Variants in RAB36 observed in about 807,000 individuals in gnomAD.
RAB36 encodes the protein RAB36, member RAS oncogene family, also known as ras-related protein Rab-36.
RAB36 carries 33 observed loss-of-function variants against 39.3 expected under a neutral mutation model. The ratio of observed to expected loss-of-function variants is 0.84; its 90% CI spans 0.64 to 1.12. The LOEUF (loss-of-function observed/expected upper bound fraction) is 1.12. Among genes scored for constraint, RAB36 ranks in the 50% most tolerant of loss-of-function variants. The probability of loss-of-function intolerance (pLI) is 0.00; values close to 1 mark genes in which losing one functional copy is unlikely to be tolerated. For synonymous variants in RAB36, 133 were observed against 140.2 expected (o/e 0.95, Z 0.36); for missense variants, 308 against 355.3 (o/e 0.87, Z 1.07).
intron 5 of RAB36, among the ~76,000 whole-genome samples, chr22:23,153,881 G>C (rs545370299): frequency 7.8e-4 from 119 of 151,844 alleles, no homozygotes; most frequent in Non-Finnish European, 1.6e-3. Flanking sequence ...TAGAGATGGG[G>C]TTTTACTATG....
chr22:23,160,642 G>A (rs2071726451), intron 9 of RAB36, among the ~76,000 whole-genome samples: 1 of 152,228 alleles, frequency 6.6e-6, no homozygotes, highest in Non-Finnish European at 1.5e-5. Flanking sequence ...GCAGTGGGGT[G>A]GGAGTTGGGA....
chr22:23,146,446 A>C (rs2070777917), intron 1 of RAB36, among the ~76,000 whole-genome samples, 159 bp from the exon 2 acceptor site: 1 of 151,752 alleles, frequency 6.6e-6, no homozygotes. Context: ...TCCTGGGCCC[A>C]AGTGATCCTC....
Position 23,152,563 on chromosome 22 carries a change from C to G in RAB36, c.227+37C>G, listed in dbSNP as rs774165383. On this transcript the variant is annotated intron_variant, in intron 4 of 10. Transcript: ENST00000263116. ...CCTCTGCCCCTTTGGCCACCTCCCC[C>G]AGCACCAGGTTGTCATACCTTTGCC... 3.1e-6 allele frequency: 5 copies of G among 1,595,150 alleles called. No individual in the cohort carries two copies. The East Asian group carries it at 1.1e-4, about 36-fold the overall frequency.
Position 23,152,477 on chromosome 22 carries a change from G to A in RAB36, c.178G>A (p.Val60Met). The change falls in exon 4 of 11, where the codon GTG (valine) becomes ATG (methionine). Residue 60 changes from valine to methionine, a missense_variant. Coordinates refer to ENST00000263116, the MANE Select transcript of RAB36 (RefSeq NM_004914.5). ...TTCTCACAGGCTCAAACTCTCCAAGGTGGTGGTGGTTGGCGATCTCTACGT... is the reference window on the plus strand; with the variant it reads ...TTCTCACAGGCTCAAACTCTCCAAGATGGTGGTGGTTGGCGATCTCTACGT... Reference protein sequence around the residue: ...TGTVGLKLSKVVVVGDLYVGK... With the variant: ...TGTVGLKLSKMVVVGDLYVGK... 1 of 1,614,164 alleles carries A rather than the reference G, an allele frequency of 6.2e-7. No individual in the cohort carries two copies. Among genetic ancestry groups the A allele is most frequent in the Non-Finnish European group, 8.5e-7 (1 of 1,180,008 alleles).
intron 8 of RAB36, 52 bp downstream of exon 8, chr22:23,159,031 C>G: frequency 6.3e-7 from 1 of 1,594,384 alleles, no homozygotes; most frequent in Non-Finnish European, 8.6e-7. Context: ...AATGCCTCCC[C>G]TTACAGCCCT....
Position 23,165,601 on chromosome 22 carries a change from T to G in RAB36, c.*4037T>G, listed in dbSNP as rs746351961. Among the ~76,000 whole-genome samples, 2 of 152,214 alleles carry G rather than the reference T, an allele frequency of 1.3e-5. No homozygotes were observed. Among genetic ancestry groups the G allele is most frequent in the Admixed American group, 1.3e-4 (2 of 15,280 alleles). ...GAAAAATGTTTGTGCTATTTAGTAC[T>G]ATGTAACAAATCACTCCAAAACTTC... On this transcript the variant is annotated 3_prime_UTR_variant, in exon 11 of 11. Coordinates refer to ENST00000263116, the MANE Select transcript of RAB36 (RefSeq NM_004914.5).
At chr22:23,154,045 C>G (rs575580848) in intron 5 of RAB36, among the ~76,000 whole-genome samples, 8 of 152,214 alleles carry the variant, frequency 5.3e-5, no homozygotes, top group Non-Finnish European at 1.0e-4. Flanking sequence ...ATGGCCTCCA[C>G]TGGCCTTACC....
At position 23,162,489 on chromosome 22, in the gene RAB36, A is replaced by G. The variant is rs1044854065; in HGVS notation, c.*925A>G. 6 of 388,118 alleles carry G rather than the reference A, an allele frequency of 1.5e-5. No individual in the cohort carries two copies. Among genetic ancestry groups the G allele is most frequent in the African/African-American group, 4.1e-5 (2 of 48,386 alleles). 24.0% of individuals were successfully genotyped at this position (388,118 alleles called of 1,614,324 possible). On this transcript the variant is annotated 3_prime_UTR_variant, in exon 11 of 11. Transcript: ENST00000263116. ...CTATACATCTCTTAGGACCTTTGTA[A>G]TGGTGTCCATGCACCTTTAGAGGAC...
intron 2 of RAB36, among the ~76,000 whole-genome samples, chr22:23,148,872 G>T (rs1303775708): frequency 2.0e-5 from 3 of 152,250 alleles, no homozygotes; most frequent in Non-Finnish European, 4.4e-5. Flanking sequence ...CATGGTAGCT[G>T]CTGCTCTTCT....
At position 23,158,057 on chromosome 22, in the gene RAB36, C is replaced by T. The variant is rs1389492653; in HGVS notation, c.446+14C>T. ...GGAGCATACCAGGTAAGTCTGGGCT[C>T]TCTGGCCCCTGCAGTCTCCCTGGGC... On this transcript the variant is annotated intron_variant, in intron 7 of 10. Coordinates refer to ENST00000263116, the MANE Select transcript of RAB36 (RefSeq NM_004914.5). 1 of 1,613,998 alleles carries T rather than the reference C, an allele frequency of 6.2e-7. No homozygotes were observed. Among genetic ancestry groups the T allele is most frequent in the Non-Finnish European group, 8.5e-7 (1 of 1,179,882 alleles).
intron 4 of RAB36, among the ~76,000 whole-genome samples, 160 bp from the exon 5 acceptor site, chr22:23,152,873 T>C (rs2146529620): frequency 6.6e-6 from 1 of 152,314 alleles, no homozygotes; most frequent in East Asian, 1.9e-4. Context: ...TTCCCCACAT[T>C]GTCCTTGCTG....
chr22:23,149,244 C>T (rs1227296838), intron 2 of RAB36, among the ~76,000 whole-genome samples: 2 of 152,210 alleles, frequency 1.3e-5, no homozygotes, highest in African/African-American at 4.8e-5. Flanking sequence ...ATCACACCAA[C>T]AGCCTCAATG....
At chr22:23,159,398 T>C in intron 9 of RAB36, 145 bp downstream of exon 9, 1 of 802,804 alleles carries the variant, frequency 1.2e-6, no homozygotes. Context: ...ACAGCCCTGC[T>C]GTGCTGGTGC....
intron 4 of RAB36, 97 bp from the exon 5 acceptor site, chr22:23,152,935 TG>T: frequency 2.3e-6 from 2 of 853,388 alleles, no homozygotes; most frequent in Non-Finnish European, 1.9e-6. Context: ...TGATGGGAAG[TG>T]GACCTTATTT....
chr22:23,163,611 C>G lies in RAB36; in HGVS notation c.*2047C>G, dbSNP rs956170678. 6.8e-6 allele frequency: 1 copy of G among 146,832 alleles called. No individual in the cohort carries two copies. 9.1% of individuals were successfully genotyped at this position (146,832 alleles called of 1,614,324 possible). A position where few individuals can be genotyped will look rare whatever the true frequency, so the allele number is the denominator to read the frequency against. On this transcript the variant is annotated 3_prime_UTR_variant, in exon 11 of 11. Transcript: ENST00000263116. Reference sequence around the variant, plus strand: ...ATATAAAATACAAGGTGAAAGCCCCCCCCCCGCCACATTAGCTGCGCCCCT... The same window carrying G: ...ATATAAAATACAAGGTGAAAGCCCCGCCCCCGCCACATTAGCTGCGCCCCT...
At position 23,164,001 on chromosome 22, in the gene RAB36, A is replaced by G. The variant is rs2071964223; in HGVS notation, c.*2437A>G. The G allele has an allele frequency of 6.6e-6, 1 of 152,268 alleles. No homozygotes were observed. Among genetic ancestry groups the G allele is most frequent in the Non-Finnish European group, 1.5e-5 (1 of 68,058 alleles). The allele number at this position is 152,268 out of a possible 1,614,324, so 9.4% of individuals were successfully genotyped here. On this transcript the variant is annotated 3_prime_UTR_variant, in exon 11 of 11. Coordinates refer to ENST00000263116, the MANE Select transcript of RAB36 (RefSeq NM_004914.5). ...TTTTAGCTCTTGCCAATGGTGCTGC[A>G]GTGGCCATTCTTGTAGTTATAGCTT...
In RAB36 at chr22:23,162,719, G is replaced by C. The variant is rs996679669; in HGVS notation, c.*1155G>C. On this transcript the variant is annotated 3_prime_UTR_variant, in exon 11 of 11. Coordinates refer to ENST00000263116, the MANE Select transcript of RAB36 (RefSeq NM_004914.5). The stretch of plus-strand genomic sequence containing the variant: ...CCACTCATCCCACCCGTCTCGTGCT[G>C]TTGCTTCCCGTAGATGGCGAGCACC... The C allele has an allele frequency of 2.6e-5, 12 of 456,130 alleles. No individual in the cohort carries two copies. In the East Asian group the frequency reaches 5.6e-4, roughly 21 times the overall value. 28.3% of individuals were successfully genotyped at this position (456,130 alleles called of 1,614,324 possible).
At chr22:23,154,751 T>C (rs1209573939) in intron 5 of RAB36, among the ~76,000 whole-genome samples, 1 of 152,184 alleles carries the variant, frequency 6.6e-6, no homozygotes, top group Admixed American at 6.5e-5. Context: ...CCCCAGAGTC[T>C]TCAGAAATGA....
chr22:23,149,814 G>GC (rs772685007), intron 2 of RAB36, among the ~76,000 whole-genome samples: 7 of 152,368 alleles, frequency 4.6e-5, no homozygotes, highest in Non-Finnish European at 1.0e-4. Context: ...GGGAACTGCG[G>GC]CCCCAGGTGA....
Sources: allele counts gnomAD v4.1 joint callset (sites outside exome capture counted in the v4.1 genomes callset), GRCh38; gene constraint gnomAD v4.1.1; transcripts MANE v1.5; gene names NCBI Gene and HGNC (gene_info 2026-07-23, HGNC 2026-07-21).